Variants in DDX60L observed in about 807,000 individuals in gnomAD.
The protein encoded by DDX60L is probable ATP-dependent RNA helicase DDX60-like.
DDX60L carries 191 observed loss-of-function variants against 211.6 expected under a neutral mutation model. The observed-to-expected ratio is 0.90, with a 90% CI of 0.80 to 1.02. The LOEUF is 1.02. DDX60L is among the 50% of genes least tolerant of loss of function. The pLI is 0.00. For missense variants in DDX60L, 2,007 were observed against 1,984.1 expected, an observed-to-expected ratio of 1.01 and a Z score of -0.22; for synonymous variants, 706 against 694.1, an observed-to-expected ratio of 1.02 and a Z score of -0.27.
chr4:168,408,361 C>A (rs559066615), intron 22 of DDX60L, among the ~76,000 whole-genome samples: 1 of 152,284 alleles, frequency 6.6e-6, no homozygotes, highest in South Asian at 2.1e-4. Flanking sequence ...AGTATCCCAT[C>A]CATCATAGTG....
rs540062716 is a variant in DDX60L at position 168,416,602 on chromosome 4, C to T, written c.2726+80G>A. 8.0e-6 allele frequency: 6 copies of T among 752,430 alleles called. No individual in the cohort carries two copies. The African/African-American group carries it at 1.1e-4, about 14-fold the overall frequency. 46.6% of individuals were successfully genotyped at this position (752,430 alleles called of 1,614,324 possible). A position where few individuals can be genotyped will look rare whatever the true frequency, so the allele number is the denominator to read the frequency against. On this transcript the variant is annotated intron_variant, in intron 20 of 37. Coordinates refer to ENST00000682922, the MANE Select transcript of DDX60L (RefSeq NM_001012967.3). Reference sequence around the variant, plus strand: ...ATTTGAAAGTTATCATAGAAAAAACCTTAAAGACTTCAGACCATATAGACA... The same window carrying T: ...ATTTGAAAGTTATCATAGAAAAAACTTTAAAGACTTCAGACCATATAGACA...
At position 168,379,815 on chromosome 4, in the gene DDX60L, T is replaced by C; in HGVS notation, c.4132A>G (p.Lys1378Glu). The part of the protein sequence containing the change: ...DAKAKVLSVL[K>E]HSLLSFKRRR... ...CTCTTAAAAGACAGCAATGAATGCT[T>C]TAGCACTGACAACACCTATAAAAGA... Residue 1378 changes from lysine to glutamate, a missense_variant, in exon 31 of 38, where the codon AAG becomes GAG. Transcript: ENST00000682922. 6.2e-7 allele frequency: 1 copy of C among 1,610,438 alleles called. No homozygotes were observed. The highest frequency in any genetic ancestry group is 8.5e-7 in the Non-Finnish European group (1 of 1,178,350).
intron 4 of DDX60L, among the ~76,000 whole-genome samples, chr4:168,466,957 A>C (rs1435094449): frequency 6.6e-6 from 1 of 152,248 alleles, no homozygotes; most frequent in East Asian, 1.9e-4. Flanking sequence ...TTCTAACAAA[A>C]CATGTTAGAA....
intron 1 of DDX60L, among the ~76,000 whole-genome samples, chr4:168,476,871 T>G (rs111657146): frequency 0.017 from 2,538 of 152,260 alleles, 63 homozygotes; most frequent in African/African-American, 0.056. Context: ...GAGAAATAGG[T>G]ATACCTTCTC....
At chr4:168,439,096 C>T (rs1474474426) in intron 10 of DDX60L, among the ~76,000 whole-genome samples, 4 of 152,128 alleles carry the variant, frequency 2.6e-5, no homozygotes, top group South Asian at 2.1e-4. Flanking sequence ...AGTGTGATTT[C>T]GTTAGTGCCT....
At chr4:168,432,795 A>G (rs1461776184) in intron 11 of DDX60L, among the ~76,000 whole-genome samples, 1 of 151,298 alleles carries the variant, frequency 6.6e-6, no homozygotes, top group Non-Finnish European at 1.5e-5. Flanking sequence ...GAGTAATTTT[A>G]TTATACGTTC....
intron 22 of DDX60L, among the ~76,000 whole-genome samples, chr4:168,409,821 T>C (rs62334123): frequency 0.11 from 16,738 of 152,232 alleles, 1,268 homozygotes; most frequent in Admixed American, 0.15. Context: ...GTTTGTACCA[T>C]AGTCTGACAA....
chr4:168,448,080 C>G (rs964030986), intron 9 of DDX60L, among the ~76,000 whole-genome samples: 1 of 151,812 alleles, frequency 6.6e-6, no homozygotes, highest in Non-Finnish European at 1.5e-5. Context: ...TTTGTTAAAA[C>G]TAGTAAAATT....
intron 27 of DDX60L, 176 bp downstream of exon 27, chr4:168,395,783 T>A: frequency 1.8e-6 from 1 of 558,854 alleles, no homozygotes; most frequent in East Asian, 3.1e-5. Context: ...GAGTCACTTA[T>A]AGAACTTTAG....
chr4:168,449,631 TTAAAACAA>T (rs1755400052), intron 8 of DDX60L, among the ~76,000 whole-genome samples: 1 of 9,124 alleles, frequency 1.1e-4, no homozygotes, highest in African/African-American at 7.7e-4. Flanking sequence ...AAAAAAAACA[TTAAAACAA>T]AAAAAAAAAA....
In DDX60L at chr4:168,391,602, G is replaced by A. The variant is rs191984593; in HGVS notation, c.3853C>T (p.Pro1285Ser). Reference protein sequence around the residue: ...TETLALGIHMPCKSVVFAQDS... With the variant: ...TETLALGIHMSCKSVVFAQDS... ...TGGGCAAAAACAACAGATTTGCATG[G>A]CATGTGGATCCCTAAGGCAAGTGTT... Residue 1285 changes from proline (P) to serine (S), a missense_variant, in exon 29 of 38, where the codon CCA (proline) becomes TCA (serine). Physicochemically the swap from Pro to Ser is moderately conservative, Grantham distance 74. Coordinates refer to ENST00000682922, the MANE Select transcript of DDX60L (RefSeq NM_001012967.3). The A allele has an allele frequency of 3.4e-5, 54 of 1,603,714 alleles. No individual in the cohort carries two copies. In the East Asian group the frequency reaches 1.1e-3, roughly 31 times the overall value.
intron 14 of DDX60L, among the ~76,000 whole-genome samples, chr4:168,424,990 C>A (rs1484709897): frequency 6.6e-6 from 1 of 152,134 alleles, no homozygotes; most frequent in Non-Finnish European, 1.5e-5. Context: ...CCTTTTTCTT[C>A]TTCCTACTTT....
intron 22 of DDX60L, among the ~76,000 whole-genome samples, chr4:168,407,252 C>A: frequency 6.6e-6 from 1 of 152,170 alleles, no homozygotes; most frequent in East Asian, 1.9e-4. Context: ...CCTTCAGATA[C>A]TCAAAGAAAT....
At chr4:168,413,598 C>T (rs992811418) in intron 22 of DDX60L, among the ~76,000 whole-genome samples, 1 of 151,494 alleles carries the variant, frequency 6.6e-6, no homozygotes, top group African/African-American at 2.4e-5. Context: ...GAAGAATCCA[C>T]CAGAGTCTCT....
chr4:168,381,344 G>C (rs1742918227), intron 30 of DDX60L, among the ~76,000 whole-genome samples: 2 of 152,090 alleles, frequency 1.3e-5, no homozygotes, highest in South Asian at 4.1e-4. Context: ...GTAGGTCATA[G>C]CTCACTGCAA....
intron 29 of DDX60L, among the ~76,000 whole-genome samples, chr4:168,387,097 C>T (rs894856562): frequency 3.9e-5 from 6 of 152,200 alleles, no homozygotes; most frequent in Middle Eastern, 6.8e-3. Flanking sequence ...TAAAGTATGC[C>T]CCTGGCCAAC....
chr4:168,370,534 T>C (rs368875753), intron 36 of DDX60L, among the ~76,000 whole-genome samples: 10 of 152,254 alleles, frequency 6.6e-5, no homozygotes, highest in African/African-American at 2.2e-4. Flanking sequence ...AAGGTACGTA[T>C]AGTTAACAGC....
At chr4:168,391,142 T>G (rs1477526307) in intron 29 of DDX60L, among the ~76,000 whole-genome samples, 2 of 152,140 alleles carry the variant, frequency 1.3e-5, no homozygotes, top group African/African-American at 4.8e-5. Flanking sequence ...TAATACCAAG[T>G]GCCACACACA....
At chr4:168,435,992 A>T (rs950914533) in intron 10 of DDX60L, among the ~76,000 whole-genome samples, 1 of 152,196 alleles carries the variant, frequency 6.6e-6, no homozygotes, top group African/African-American at 2.4e-5. Flanking sequence ...GTAGGAGTCC[A>T]ATTGTGTGGG....
Sources: allele counts gnomAD v4.1 joint callset (sites outside exome capture counted in the v4.1 genomes callset), GRCh38; gene constraint gnomAD v4.1.1; transcripts MANE v1.5; gene names NCBI Gene and HGNC (gene_info 2026-07-23, HGNC 2026-07-21).